MAPRE2: variants seen among roughly 807,000 people sequenced by gnomAD.
The protein encoded by MAPRE2 is microtubule associated protein RP/EB family member 2.
In MAPRE2, 13 loss-of-function variants were observed where a neutral mutation model predicts 43.2. That is an observed-to-expected ratio of 0.30 (90% CI 0.20 to 0.48). MAPRE2 has a LOEUF of 0.48. Among genes scored for constraint, MAPRE2 ranks in the 20% least tolerant of loss-of-function variants. The pLI is 0.99. For synonymous variants in MAPRE2, 135 were observed against 148.8 expected (o/e 0.91, Z 0.68); for missense variants, 161 against 400.2 (o/e 0.40, Z 5.10).
In MAPRE2 at chr18:35,027,071, T is replaced by C. The variant is rs540062964; in HGVS notation, c.-8+21518T>C. The stretch of plus-strand genomic sequence containing the variant: ...AGTTGAACATTCATTCTTTTCTTCC[T>C]CTCTTGCATTCCTGCCCCATGCTGA... On this transcript the variant is annotated intron_variant, in intron 2 of 7. Transcript: ENST00000413393. 3.9e-5 allele frequency among the ~76,000 whole-genome samples: 6 copies of C among 152,300 alleles called. No homozygotes were observed. The East Asian group carries it at 1.2e-3, about 29-fold the overall frequency.
chr18:35,057,507 C>CGCGTGTGTGT (rs1555914293), intron 1 of MAPRE2, among the ~76,000 whole-genome samples: 1 of 149,408 alleles, frequency 6.7e-6, no homozygotes, highest in African/African-American at 2.5e-5. Context: ...GGAGTGTGTG[C>CGCGTGTGTGT]GTGTGTGTGT....
intron 2 of MAPRE2, among the ~76,000 whole-genome samples, chr18:35,087,503 A>T (rs1469069331): frequency 9.8e-5 from 15 of 152,292 alleles, no homozygotes; most frequent in South Asian, 4.1e-4. Flanking sequence ...GCTTTAAAAA[A>T]TTTTATTTAT....
rs1038404676 is a variant in MAPRE2, at chr18:35,143,175, A to T, written c.*2806A>T. ...CCCTTCCCTGGTGAGTATTTCCATT[A>T]TTCCGTTAAGGTTTAATATGCATTC... On this transcript the variant is annotated 3_prime_UTR_variant, in exon 7 of 7. Coordinates refer to ENST00000300249, the MANE Select transcript of MAPRE2 (RefSeq NM_014268.4). The T allele has an allele frequency of 6.6e-6, 1 of 151,878 alleles. No individual in the cohort carries two copies. The highest frequency in any genetic ancestry group is 1.5e-5 in the Non-Finnish European group (1 of 67,978). 9.4% of individuals were successfully genotyped at this position (151,878 alleles called of 1,614,324 possible). A position where few individuals can be genotyped will look rare whatever the true frequency, so the allele number is the denominator to read the frequency against.
At chr18:35,101,270 TG>T (rs1307857042) in intron 3 of MAPRE2, among the ~76,000 whole-genome samples, 3 of 152,332 alleles carry the variant, frequency 2.0e-5, no homozygotes, top group Admixed American at 1.3e-4. Context: ...TTTTAATTTT[TG>T]TATGTACATA....
At chr18:35,008,655 C>T (rs1280832839) in intron 2 of MAPRE2, among the ~76,000 whole-genome samples, 2 of 152,096 alleles carry the variant, frequency 1.3e-5, no homozygotes, top group Non-Finnish European at 2.9e-5. Flanking sequence ...ATAAAAAATG[C>T]TATGCTAAAT....
intron 4 of MAPRE2, among the ~76,000 whole-genome samples, chr18:35,112,969 A>G (rs1909246250): frequency 6.6e-6 from 1 of 152,246 alleles, no homozygotes; most frequent in East Asian, 1.9e-4. Context: ...CTCAGATGGC[A>G]GAAGAGGCAA....
chr18:34,998,651 C>T (rs1217909548), intron 1 of MAPRE2, among the ~76,000 whole-genome samples: 5 of 151,346 alleles, frequency 3.3e-5, no homozygotes, highest in African/African-American at 7.3e-5. Flanking sequence ...TTAGTAGAGA[C>T]GGGGTTTCTC....
intron 1 of MAPRE2, among the ~76,000 whole-genome samples, chr18:35,050,637 C>T (rs968054032): frequency 6.6e-6 from 1 of 152,140 alleles, no homozygotes; most frequent in African/African-American, 2.4e-5. Context: ...TATCAAGCTC[C>T]TGCCATTTAT....
upstream of MAPRE2, among the ~76,000 whole-genome samples, chr18:35,038,195 C>A (rs145212638): frequency 6.6e-6 from 1 of 152,192 alleles, no homozygotes; most frequent in Non-Finnish European, 1.5e-5. Flanking sequence ...TCCTGACACC[C>A]TCTACCACCA....
At chr18:35,122,354 C>G (rs958453799) in intron 4 of MAPRE2, among the ~76,000 whole-genome samples, 1 of 152,096 alleles carries the variant, frequency 6.6e-6, no homozygotes, top group Non-Finnish European at 1.5e-5. Flanking sequence ...ACCCAAACCT[C>G]GGAAGATACT....
At chr18:35,064,386 G>C (rs1184900464) in intron 1 of MAPRE2, among the ~76,000 whole-genome samples, 1 of 151,988 alleles carries the variant, frequency 6.6e-6, no homozygotes, top group African/African-American at 2.4e-5. Context: ...TGTGAAAAGA[G>C]AAAATGAGGA....
chr18:35,003,240 CT>C (rs2097030235), intron 1 of MAPRE2, among the ~76,000 whole-genome samples: 1 of 152,132 alleles, frequency 6.6e-6, no homozygotes, highest in South Asian at 2.1e-4. Context: ...AGGTCCTGAA[CT>C]TATGATGATG....
intron 1 of MAPRE2, among the ~76,000 whole-genome samples, chr18:35,066,714 G>A (rs976114286): frequency 3.3e-5 from 5 of 152,206 alleles, no homozygotes; most frequent in Non-Finnish European, 5.9e-5. Flanking sequence ...CTTCACTTGC[G>A]GGAGGTTCAG....
At position 35,141,603 on chromosome 18, in the gene MAPRE2, ATTT is replaced by A. The variant is rs1032650896; in HGVS notation, c.*1238_*1240del. ...CATTAATGAATTAAAAGCATTCCTTATTTTTTAACTAATATTTGTACATTTTCT... is the reference window on the plus strand; with the variant it reads ...CATTAATGAATTAAAAGCATTCCTTATTTAACTAATATTTGTACATTTTCT... On this transcript the variant is annotated 3_prime_UTR_variant, in exon 7 of 7. Transcript: ENST00000300249. 2 of 151,932 alleles carry A rather than the reference ATTT, an allele frequency of 1.3e-5. No homozygotes were observed. Among genetic ancestry groups the A allele is most frequent in the African/African-American group, 4.9e-5 (2 of 41,218 alleles). 9.4% of individuals were successfully genotyped at this position (151,932 alleles called of 1,614,324 possible).
chr18:34,978,639 A>G lies in MAPRE2; in HGVS notation c.-70+1560A>G, dbSNP rs934936903. 5.9e-5 allele frequency: 61 copies of G among 1,032,140 alleles called. No individual in the cohort carries two copies. The African/African-American group carries it at 7.8e-4, about 13-fold the overall frequency. The allele number at this position is 1,032,140 out of a possible 1,614,324, so 63.9% of individuals were successfully genotyped here. ...AAAGGGGTATGGCTCTTGGTTAGCC[A>G]GTGTCCCCTCTGGAAATGAAATGCT... On this transcript the variant is annotated intron_variant, in intron 1 of 7. Transcript: ENST00000413393.
intron 1 of MAPRE2, among the ~76,000 whole-genome samples, chr18:34,980,402 A>C (rs2097015594): frequency 1.3e-5 from 2 of 152,062 alleles, no homozygotes; most frequent in African/African-American, 4.8e-5. Flanking sequence ...ACTTTATCTG[A>C]ACCTCTCTTA....
intron 6 of MAPRE2, among the ~76,000 whole-genome samples, chr18:35,133,943 G>C (rs974741047): frequency 6.6e-6 from 1 of 152,144 alleles, no homozygotes; most frequent in African/African-American, 2.4e-5. Context: ...CCACCATCTG[G>C]ATTCAGAGAG....
chr18:35,041,879 GC>G, intron 1 of MAPRE2: 2 of 1,182,996 alleles, frequency 1.7e-6, no homozygotes, highest in Non-Finnish European at 2.3e-6. Context: ...GAATAGGTTT[GC>G]TGCCTTCGAG....
At chr18:34,996,476 TG>T (rs2097026585) in intron 1 of MAPRE2, among the ~76,000 whole-genome samples, 1 of 152,176 alleles carries the variant, frequency 6.6e-6, no homozygotes, top group Non-Finnish European at 1.5e-5. Flanking sequence ...ACTTAAGTCC[TG>T]GGTGGCTGTT....
Sources: gnomAD v4.1 joint callset for allele counts (sites outside exome capture counted in the v4.1 genomes callset) on GRCh38, gnomAD v4.1.1 for gene constraint, MANE v1.5 for transcripts, NCBI Gene and HGNC (gene_info 2026-07-23, HGNC 2026-07-21) for gene names.